The following CCDC77 variants were observed in gnomAD, a reference collection of about 807,000 sequenced individuals.
CCDC77 encodes coiled-coil domain-containing protein 77.
A neutral mutation model predicts 66.8 loss-of-function variants in CCDC77; 56 were observed. The observed-to-expected ratio is 0.84, with a 90% confidence interval of 0.68 to 1.05. The LOEUF (loss-of-function observed/expected upper bound fraction) is 1.05. CCDC77 is among the 50% of genes least tolerant of loss of function. The pLI is 0.00. For synonymous variants in CCDC77, 196 were observed against 195.2 expected (o/e 1.00, Z -0.03); for missense variants, 570 against 576.8 (o/e 0.99, Z 0.12).
chr12:425,220 C>T (rs1205041556), intron 5 of CCDC77, among the ~76,000 whole-genome samples: 2 of 149,832 alleles, frequency 1.3e-5, no homozygotes, highest in African/African-American at 5.1e-5. Context: ...CGTGAGCCAC[C>T]GCACCCAGCC....
chr12:411,785 G>T lies in CCDC77; in HGVS notation c.77G>T (p.Gly26Val). Reference protein sequence around the residue: ...VVSKRGVAVSGPTKRRGMADS... With the variant: ...VVSKRGVAVSVPTKRRGMADS... The stretch of plus-strand genomic sequence containing the variant: ...TCCAAACGTGGTGTTGCCGTCAGTG[G>T]TCCCACCAAGAGGAGGGGAATGGCA... The change falls in exon 4 of 13, where the codon GGT becomes GTT. Residue 26 changes from glycine to valine, a missense_variant. Physicochemically the swap from Gly to Val is moderately radical, Grantham distance 109 (BLOSUM62 -3). Transcript: ENST00000239830. 6.2e-7 allele frequency: 1 copy of T among 1,614,018 alleles called. No individual in the cohort carries two copies. The highest frequency in any genetic ancestry group is 8.5e-7 in the Non-Finnish European group (1 of 1,179,980).
intron 5 of CCDC77, among the ~76,000 whole-genome samples, chr12:428,498 G>A (rs540108687): frequency 6.9e-5 from 8 of 115,428 alleles, no homozygotes; most frequent in Non-Finnish European, 1.1e-4. Flanking sequence ...ACAACAGAGC[G>A]AGACTCTGTC....
rs1414422909 is a variant in CCDC77 at position 428,791 on chromosome 12, A to G, written c.436A>G (p.Ile146Val). ...RIRELEDKKK[I>V]QNLLALVGTD... ...CAGGGAGCTAGAAGACAAGAAAAAG[A>G]TTCAGAATCTCTTGGCTCTTGTGGG... The change falls in exon 6 of 13, where the codon ATT (isoleucine) becomes GTT (valine). Residue 146 changes from isoleucine (I) to valine (V), a missense_variant. Ile to Val is a conservative substitution (Grantham distance 29). Transcript: ENST00000239830. 1 of 1,612,022 alleles carries G rather than the reference A, an allele frequency of 6.2e-7. No individual in the cohort carries two copies. The highest frequency in any genetic ancestry group is 1.7e-5 in the Admixed American group (1 of 59,564).
In CCDC77 at chr12:433,298, A is replaced by G; in HGVS notation, c.797A>G (p.Asn266Ser). ...EIQVQHQRNQ[N>S]KIKELTKNLH... ...CAAGTTCAGCACCAGAGAAATCAGAACAAAATCAAAGAGCTAACCAAAAAG... is the reference window on the plus strand; with the variant it reads ...CAAGTTCAGCACCAGAGAAATCAGAGCAAAATCAAAGAGCTAACCAAAAAG... The change falls in exon 9 of 13, where the codon AAC becomes AGC. Residue 266 changes from asparagine to serine, a missense_variant. By Grantham distance (46) the Asn-to-Ser change is conservative. Transcript: ENST00000239830. 1 of 1,614,080 alleles carries G rather than the reference A, an allele frequency of 6.2e-7. No individual in the cohort carries two copies. The highest frequency in any genetic ancestry group is 1.3e-5 in the African/African-American group (1 of 75,014).
At chr12:433,643 C>A (rs1420495831) in intron 9 of CCDC77, among the ~76,000 whole-genome samples, 1 of 148,114 alleles carries the variant, frequency 6.8e-6, no homozygotes, top group Non-Finnish European at 1.5e-5. Flanking sequence ...CAGAGTGAGA[C>A]CCTGTCTCAA....
At chr12:432,089 T>C (rs1415469454) in intron 8 of CCDC77, 135 bp downstream of exon 8, 7 of 571,792 alleles carry the variant, frequency 1.2e-5, no homozygotes, top group Non-Finnish European at 1.9e-5. Flanking sequence ...TTAAGAAAAT[T>C]GAGATTGTTC....
rs150474120 is a variant in CCDC77 at position 440,702 on chromosome 12, G to C, written c.1127G>C (p.Arg376Pro). The change falls in exon 11 of 13, where the codon CGA becomes CCA. Residue 376 changes from arginine to proline, a missense_variant. Arg to Pro is a moderately radical substitution (Grantham distance 103). Transcript: ENST00000239830. ...QCISLEEELARIREEEGMRRE... is the reference protein window; with the variant it reads ...QCISLEEELAPIREEEGMRRE... ...ATTTCCTTAGAAGAAGAACTTGCCC[G>C]AATTCGTGAGGAAGAGGGAATGAGG... 6.2e-7 allele frequency: 1 copy of C among 1,614,114 alleles called. No homozygotes were observed. The highest frequency in any genetic ancestry group is 8.5e-7 in the Non-Finnish European group (1 of 1,180,036).
Position 390,241 on chromosome 12 carries a change from C to G in CCDC77, c.-113+755C>G, listed in dbSNP as rs546870648. On this transcript the variant is annotated intron_variant, in intron 1 of 11. Coordinates refer to the CCDC77 transcript ENST00000422000. ...CAGTATCCTAATTTAAATACTCTTA[C>G]TGACAACAGCTGATTTCTCCTCTCA... 3 of 151,966 alleles carry G rather than the reference C, an allele frequency of 2.0e-5. No individual in the cohort carries two copies. In the South Asian group the frequency reaches 6.2e-4, roughly 32 times the overall value. The allele number at this position is 151,966 out of a possible 1,614,324, so 9.4% of individuals were successfully genotyped here.
At chr12:427,465 T>A (rs995931637) in intron 5 of CCDC77, among the ~76,000 whole-genome samples, 3 of 147,186 alleles carry the variant, frequency 2.0e-5, no homozygotes, top group East Asian at 2.0e-4. Context: ...TTGTTTTTTT[T>A]AATTAATTAA....
chr12:432,363 T>C (rs529799058), intron 8 of CCDC77, among the ~76,000 whole-genome samples: 66 of 152,304 alleles, frequency 4.3e-4, no homozygotes, highest in African/African-American at 1.6e-3. Context: ...TACCTCCTGG[T>C]TATGTGTCAT....
chr12:414,969 T>C (rs1308762626), intron 4 of CCDC77, among the ~76,000 whole-genome samples: 1 of 152,136 alleles, frequency 6.6e-6, no homozygotes, highest in Non-Finnish European at 1.5e-5. Context: ...CCAAATTTAA[T>C]AGGCTTTTGT....
At chr12:426,416 T>C (rs1415067250) in intron 5 of CCDC77, among the ~76,000 whole-genome samples, 6 of 149,946 alleles carry the variant, frequency 4.0e-5, no homozygotes, top group African/African-American at 1.5e-4. Flanking sequence ...TCTACTCTTA[T>C]CTTCCAGAAT....
rs185128183 is a variant in CCDC77, at chr12:434,864, C to T, written c.821+1542C>T. Among the ~76,000 whole-genome samples, 372 of 152,330 alleles carry T rather than the reference C, an allele frequency of 2.4e-3. 1 individual carries two copies. Among genetic ancestry groups the T allele is most frequent in the Middle Eastern group, 6.8e-3 (2 of 294 alleles). On this transcript the variant is annotated intron_variant, in intron 9 of 12. Transcript: ENST00000239830. ...GGCCAGACCTATGCCATAAGGACAT[C>T]CTCAGTTGAATGTGTTTGAGCATGT...
intron 5 of CCDC77, among the ~76,000 whole-genome samples, chr12:420,521 C>T (rs372385573): frequency 6.4e-3 from 310 of 48,312 alleles, no homozygotes; most frequent in African/African-American, 0.014. Flanking sequence ...ACCCTCCATG[C>T]TCCATTACAG....
chr12:412,048 C>A, intron 4 of CCDC77, 70 bp downstream of exon 4: 1 of 1,114,808 alleles, frequency 9.0e-7, no homozygotes, highest in Non-Finnish European at 1.3e-6. Context: ...CCTACAAGTG[C>A]CAGTTTATAT....
At chr12:433,776 C>T (rs923671580) in intron 9 of CCDC77, among the ~76,000 whole-genome samples, 4 of 152,014 alleles carry the variant, frequency 2.6e-5, no homozygotes, top group African/African-American at 7.2e-5. Context: ...CTAAAAAAAA[C>T]TGCACACTCA....
At chr12:395,485 T>C (rs1401023723) in intron 1 of CCDC77, among the ~76,000 whole-genome samples, 2 of 152,092 alleles carry the variant, frequency 1.3e-5, no homozygotes, top group Non-Finnish European at 2.9e-5. Flanking sequence ...TAGCCTTCCA[T>C]ATATGTGGGT....
In CCDC77 at chr12:441,971, C is replaced by T. The variant is rs1185833773; in HGVS notation, c.*51C>T. On this transcript the variant is annotated 3_prime_UTR_variant, in exon 13 of 13. Transcript: ENST00000239830. The stretch of plus-strand genomic sequence containing the variant: ...TTTAGAAGAGGTGTGCTTCTTGAAA[C>T]CTGAGGACAAGGTCATCTGCTGCCA... The T allele has an allele frequency of 4.4e-6, 7 of 1,595,238 alleles. No individual in the cohort carries two copies. The highest frequency in any genetic ancestry group is 1.7e-5 in the Admixed American group (1 of 59,814).
chr12:416,412 T>C (rs1445011305), intron 4 of CCDC77, among the ~76,000 whole-genome samples: 4 of 62,898 alleles, frequency 6.4e-5, no homozygotes, highest in Non-Finnish European at 1.3e-4. Context: ...TATATATATA[T>C]ATATTTCTTT....
Sources: gnomAD v4.1 joint callset for allele counts (sites outside exome capture counted in the v4.1 genomes callset) on GRCh38, gnomAD v4.1.1 for gene constraint, MANE v1.5 for transcripts, NCBI Gene and HGNC (gene_info 2026-07-23, HGNC 2026-07-21) for gene names.